Variants in PDE7B observed in about 807,000 individuals in gnomAD.
The protein encoded by PDE7B is 3',5'-cyclic-AMP phosphodiesterase 7B.
In PDE7B, 29 loss-of-function variants were observed where a neutral mutation model predicts 56.2. That is an observed-to-expected ratio of 0.52 (90% CI 0.38 to 0.70). PDE7B has a LOEUF of 0.70. PDE7B is among the 30% of genes least tolerant of loss of function. PDE7B has a pLI of 0.00. For missense variants in PDE7B, 490 were observed against 565.0 expected (o/e 0.87, Z 1.35); for synonymous variants, 197 against 196.9 (o/e 1.00, Z 0.00).
At chr6:136,171,144 A>G (rs568365141) in intron 8 of PDE7B, among the ~76,000 whole-genome samples, 1 of 152,308 alleles carries the variant, frequency 6.6e-6, no homozygotes, top group South Asian at 2.1e-4. Context: ...TGAGTATAAG[A>G]AATATTCATC....
At chr6:136,159,192 A>G (rs144354355) in intron 8 of PDE7B, among the ~76,000 whole-genome samples, 2 of 152,320 alleles carry the variant, frequency 1.3e-5, no homozygotes, top group East Asian at 3.9e-4. Context: ...AATCACAAAC[A>G]TGAAGTTGAC....
intron 2 of PDE7B, among the ~76,000 whole-genome samples, chr6:135,970,721 G>C (rs1360435142): frequency 6.6e-6 from 1 of 152,164 alleles, no homozygotes; most frequent in African/African-American, 2.4e-5. Context: ...ATTTGCTTTT[G>C]TATGGAAAAT....
At chr6:135,973,455 G>A (rs995458281) in intron 2 of PDE7B, among the ~76,000 whole-genome samples, 3 of 150,934 alleles carry the variant, frequency 2.0e-5, no homozygotes, top group Non-Finnish European at 4.4e-5. Flanking sequence ...ATATCTCTTC[G>A]AGGTCCTGAC....
intron 2 of PDE7B, among the ~76,000 whole-genome samples, chr6:135,958,880 A>C (rs1774847829): frequency 6.6e-6 from 1 of 152,174 alleles, no homozygotes; most frequent in African/African-American, 2.4e-5. Context: ...CATGAACGCT[A>C]TCAAGCTTAC....
At chr6:136,170,187 T>C (rs1389374036) in intron 8 of PDE7B, among the ~76,000 whole-genome samples, 1 of 152,182 alleles carries the variant, frequency 6.6e-6, no homozygotes, top group African/African-American at 2.4e-5. Context: ...TCAGATACAG[T>C]AGGGGCATAA....
intron 3 of PDE7B, among the ~76,000 whole-genome samples, chr6:136,139,383 G>C (rs1451027852): frequency 6.6e-6 from 1 of 152,066 alleles, no homozygotes; most frequent in Non-Finnish European, 1.5e-5. Context: ...TGGACATTTG[G>C]GTTGGTTCCA....
chr6:136,029,457 C>T (rs1776203311), intron 2 of PDE7B, among the ~76,000 whole-genome samples: 1 of 152,084 alleles, frequency 6.6e-6, no homozygotes, highest in Non-Finnish European at 1.5e-5. Context: ...TACCTTGCAC[C>T]TAAGTGGACA....
At chr6:136,187,627 G>A (rs1258460638) in intron 12 of PDE7B, among the ~76,000 whole-genome samples, 4 of 152,120 alleles carry the variant, frequency 2.6e-5, no homozygotes, top group Non-Finnish European at 4.4e-5. Flanking sequence ...CTTATTTTCA[G>A]GTTATTCTCC....
At chr6:136,023,382 C>A (rs1346289073) in intron 2 of PDE7B, among the ~76,000 whole-genome samples, 1 of 152,128 alleles carries the variant, frequency 6.6e-6, no homozygotes, top group African/African-American at 2.4e-5. Context: ...CAGGCAGGAC[C>A]CTGAAAAGAA....
At chr6:135,998,527 C>T (rs980511892) in intron 2 of PDE7B, among the ~76,000 whole-genome samples, 6 of 152,098 alleles carry the variant, frequency 3.9e-5, no homozygotes, top group South Asian at 2.1e-4. Context: ...GAGGCCGAGG[C>T]GGGCAGATCA....
chr6:136,160,278 C>G (rs983829095), intron 8 of PDE7B, among the ~76,000 whole-genome samples: 11 of 152,106 alleles, frequency 7.2e-5, no homozygotes, highest in African/African-American at 2.2e-4. Context: ...ATTCTAGAAC[C>G]GGTTAGGGTT....
At chr6:136,061,105 A>G (rs1036584432) in intron 2 of PDE7B, among the ~76,000 whole-genome samples, 1 of 152,128 alleles carries the variant, frequency 6.6e-6, no homozygotes, top group African/African-American at 2.4e-5. Context: ...GTTATTATCT[A>G]GTAGCACAGC....
At chr6:136,014,962 A>G (rs1455655041) in intron 2 of PDE7B, among the ~76,000 whole-genome samples, 1 of 152,240 alleles carries the variant, frequency 6.6e-6, no homozygotes, top group Non-Finnish European at 1.5e-5. Flanking sequence ...TGAGAGCTGC[A>G]AGGAATTCTG....
chr6:136,122,197 G>A (rs1777947826), intron 3 of PDE7B, among the ~76,000 whole-genome samples: 2 of 151,902 alleles, frequency 1.3e-5, no homozygotes, highest in Admixed American at 6.6e-5. Flanking sequence ...GGGTTTCACC[G>A]TGTTAGCCAG....
At chr6:136,166,663 C>T (rs1214161579) in intron 8 of PDE7B, among the ~76,000 whole-genome samples, 1 of 152,128 alleles carries the variant, frequency 6.6e-6, no homozygotes, top group Non-Finnish European at 1.5e-5. Context: ...CCAAATCATT[C>T]ATGAGAAACC....
At chr6:136,171,634 C>T (rs566786405) in intron 8 of PDE7B, among the ~76,000 whole-genome samples, 2 of 151,310 alleles carry the variant, frequency 1.3e-5, no homozygotes, top group East Asian at 3.9e-4. Flanking sequence ...CACTGCTTCA[C>T]TTTTTTTTTA....
At chr6:135,978,223 C>T (rs920214167) in intron 2 of PDE7B, among the ~76,000 whole-genome samples, 2 of 152,030 alleles carry the variant, frequency 1.3e-5, no homozygotes, top group Admixed American at 1.3e-4. Flanking sequence ...ATACTGTAGG[C>T]AATTGTAATA....
intron 2 of PDE7B, among the ~76,000 whole-genome samples, chr6:135,962,085 T>A (rs1774912243): frequency 6.6e-6 from 1 of 152,100 alleles, no homozygotes; most frequent in African/African-American, 2.4e-5. Context: ...TTGTGATGTG[T>A]GGTATGTGGG....
At chr6:136,110,997 ATCC>A (rs1396585346) in intron 3 of PDE7B, 1 of 152,084 alleles carries the variant, frequency 6.6e-6, no homozygotes, top group Non-Finnish European at 1.5e-5. Context: ...GGTACTCACA[ATCC>A]TCCACTCATC....
Sources: allele counts gnomAD v4.1 joint callset (sites outside exome capture counted in the v4.1 genomes callset), GRCh38; gene constraint gnomAD v4.1.1; transcripts MANE v1.5; gene names NCBI Gene and HGNC (gene_info 2026-07-23, HGNC 2026-07-21).